FAM135A: variants seen among roughly 807,000 people sequenced by gnomAD.
FAM135A encodes protein FAM135A.
FAM135A carries 79 observed loss-of-function variants against 146.8 expected under a neutral mutation model. The observed-to-expected ratio is 0.54, with a 90% CI of 0.45 to 0.65. The LOEUF is 0.65. Among genes scored for constraint, FAM135A ranks in the 30% least tolerant of loss-of-function variants. The pLI, the probability that FAM135A is intolerant of heterozygous loss-of-function variation, is 0.00. For missense variants in FAM135A, 1,623 were observed against 1,758.2 expected (o/e 0.92, Z 1.38); for synonymous variants, 562 against 603.6 (o/e 0.93, Z 1.01).
intron 12 of FAM135A, among the ~76,000 whole-genome samples, chr6:70,513,841 C>A (rs550412037): frequency 6.1e-4 from 93 of 152,090 alleles, no homozygotes; most frequent in South Asian, 1.9e-3. Context: ...GTACCATTAT[C>A]TTCTGGCCTC....
chr6:70,493,951 G>A (rs1003521370), intron 11 of FAM135A, among the ~76,000 whole-genome samples: 1 of 151,362 alleles, frequency 6.6e-6, no homozygotes, highest in African/African-American at 2.4e-5. Context: ...TACTTGGGAG[G>A]CTGAGTCAGG....
At chr6:70,496,772 AT>A (rs60713372) in intron 11 of FAM135A, among the ~76,000 whole-genome samples, 11,062 of 142,996 alleles carry the variant, frequency 0.077, 1,256 homozygotes, top group African/African-American at 0.25. Context: ...TCCTTTCCCC[AT>A]TTTTTTTTTT....
At chr6:70,555,642 C>T (rs956970313) in intron 20 of FAM135A, among the ~76,000 whole-genome samples, 2 of 152,072 alleles carry the variant, frequency 1.3e-5, no homozygotes, top group East Asian at 3.9e-4. Context: ...AATACCTGTG[C>T]TCTAGGACAC....
chr6:70,426,097 G>A (rs1404448642), intron 2 of FAM135A, among the ~76,000 whole-genome samples: 1 of 147,410 alleles, frequency 6.8e-6, no homozygotes, highest in Non-Finnish European at 1.5e-5. Flanking sequence ...GCGACAGAGC[G>A]AGACTCCGTC....
At chr6:70,541,522 G>C (rs555912492) in intron 20 of FAM135A, among the ~76,000 whole-genome samples, 1 of 151,764 alleles carries the variant, frequency 6.6e-6, no homozygotes, top group Admixed American at 6.6e-5. Context: ...TTCCTATATG[G>C]GTTTCTTTTC....
chr6:70,552,465 CT>C (rs35509125), intron 20 of FAM135A, among the ~76,000 whole-genome samples: 38,386 of 96,752 alleles, frequency 0.4, 6,241 homozygotes, highest in Middle Eastern at 0.52. Context: ...GTTGAAGATT[CT>C]TTTTTTTTTT....
intron 20 of FAM135A, among the ~76,000 whole-genome samples, chr6:70,546,058 T>C (rs1011389059): frequency 6.6e-6 from 1 of 152,156 alleles, no homozygotes; most frequent in Admixed American, 6.6e-5. Context: ...GGGGTTTTTT[T>C]TTCGGGGGGG....
At chr6:70,507,501 C>G (rs1440207985) in intron 12 of FAM135A, among the ~76,000 whole-genome samples, 1 of 152,084 alleles carries the variant, frequency 6.6e-6, no homozygotes, top group Non-Finnish European at 1.5e-5. Flanking sequence ...TATGAAATCT[C>G]TCCTTATTGG....
intron 20 of FAM135A, among the ~76,000 whole-genome samples, chr6:70,545,017 C>A (rs56322111): frequency 0.17 from 25,576 of 151,136 alleles, 2,236 homozygotes; most frequent in Middle Eastern, 0.21. Context: ...CACCATTGCA[C>A]TCCAGCCTGG....
At chr6:70,515,846 AG>A in intron 12 of FAM135A, among the ~76,000 whole-genome samples, 1 of 152,106 alleles carries the variant, frequency 6.6e-6, no homozygotes, top group Non-Finnish European at 1.5e-5. Flanking sequence ...CTGGATGTGT[AG>A]GGGTGGGGAA....
At chr6:70,471,973 A>G (rs932264865) in intron 5 of FAM135A, among the ~76,000 whole-genome samples, 5 of 152,158 alleles carry the variant, frequency 3.3e-5, no homozygotes, top group Admixed American at 6.5e-5. Context: ...TAAAGCCTTC[A>G]AGAAATGAAG....
At chr6:70,523,849 T>G in intron 13 of FAM135A, 118 bp from the exon 14 acceptor site, 3 of 955,628 alleles carry the variant, frequency 3.1e-6, no homozygotes, top group Non-Finnish European at 4.6e-6. Flanking sequence ...CATAAGAAGG[T>G]TATGTCTTGC....
intron 4 of FAM135A, among the ~76,000 whole-genome samples, chr6:70,436,184 C>CAA (rs34761222): frequency 1.6e-3 from 103 of 63,986 alleles, no homozygotes; most frequent in Non-Finnish European, 2.5e-3. Context: ...GATTCTGTCT[C>CAA]AAAAAAAAAA....
Position 70,533,225 on chromosome 6 carries a change from G to T in FAM135A, c.3841G>T (p.Asp1281Tyr). The change falls in exon 17 of 22, where the codon GAT (aspartate) becomes TAT (tyrosine). Residue 1281 changes from aspartate to tyrosine, a missense_variant. Transcript: ENST00000418814. Reference protein sequence around the residue: ...IELGLPGGRIDFLMSERNQND... With the variant: ...IELGLPGGRIYFLMSERNQND... ...ACTTGGATTGCCTGGGGGAAGAATT[G>T]ATTTTCTTATGTCTGAGAGAAATCA... 1 of 1,613,022 alleles carries T rather than the reference G, an allele frequency of 6.2e-7. No individual in the cohort carries two copies. Among genetic ancestry groups the T allele is most frequent in the South Asian group, 1.1e-5 (1 of 90,992 alleles).
intron 20 of FAM135A, among the ~76,000 whole-genome samples, chr6:70,551,287 A>C (rs1033060758): frequency 2.0e-5 from 3 of 152,110 alleles, no homozygotes; most frequent in African/African-American, 7.2e-5. Context: ...TTCCTCACTA[A>C]GCTTAATCAT....
At position 70,560,129 on chromosome 6, in the gene FAM135A, A is replaced by G. The variant is rs1311660410; in HGVS notation, c.*208A>G. 3 of 484,020 alleles carry G rather than the reference A, an allele frequency of 6.2e-6. No individual in the cohort carries two copies. The allele number at this position is 484,020 out of a possible 1,614,324, so 30.0% of individuals were successfully genotyped here. Reference sequence around the variant, plus strand: ...GGCTGTGCAATATTTTTTTAATTTTATCTTTTTACTTTTCTATTACTTTTT... The same window carrying G: ...GGCTGTGCAATATTTTTTTAATTTTGTCTTTTTACTTTTCTATTACTTTTT... On this transcript the variant is annotated 3_prime_UTR_variant, in exon 22 of 22. Coordinates refer to ENST00000418814, the MANE Select transcript of FAM135A (RefSeq NM_001162529.3).
intron 8 of FAM135A, among the ~76,000 whole-genome samples, chr6:70,480,679 A>G (rs1040414697): frequency 2.6e-5 from 4 of 152,198 alleles, no homozygotes; most frequent in African/African-American, 9.6e-5. Flanking sequence ...AAGTCTAATT[A>G]TAGCAAGCAA....
intron 5 of FAM135A, among the ~76,000 whole-genome samples, chr6:70,461,986 C>T (rs1237653626): frequency 6.6e-6 from 1 of 152,108 alleles, no homozygotes; most frequent in African/African-American, 2.4e-5. Flanking sequence ...TCTTGCCCTC[C>T]CTTTCTGTCC....
intron 5 of FAM135A, among the ~76,000 whole-genome samples, chr6:70,464,269 C>G (rs2128108823): frequency 6.6e-6 from 1 of 152,124 alleles, no homozygotes; most frequent in East Asian, 1.9e-4. Context: ...AACTATAGAT[C>G]TGAATGTTTG....
Sources: allele counts gnomAD v4.1 joint callset (sites outside exome capture counted in the v4.1 genomes callset), GRCh38; gene constraint gnomAD v4.1.1; transcripts MANE v1.5; gene names NCBI Gene and HGNC (gene_info 2026-07-23, HGNC 2026-07-21).